Variants in SLIT1 observed in about 807,000 individuals in gnomAD.
The protein encoded by SLIT1 is slit guidance ligand 1, also known as slit homolog 1 protein.
A neutral mutation model predicts 186.1 loss-of-function variants in SLIT1; 66 were observed. The observed-to-expected ratio is 0.35, with a 90% CI of 0.29 to 0.44. SLIT1 has a LOEUF of 0.44. SLIT1 is among the 20% of genes least tolerant of loss of function. The pLI, the probability that SLIT1 is intolerant of heterozygous loss-of-function variation, is 1.00. For synonymous variants in SLIT1, 761 were observed against 833.8 expected, an observed-to-expected ratio of 0.91 and a Z score of 1.50; for missense variants, 1,638 against 2,037.4, an observed-to-expected ratio of 0.80 and a Z score of 3.77.
chr10:97,102,070 C>G (rs963561842), intron 4 of SLIT1: 1 of 152,184 alleles, frequency 6.6e-6, no homozygotes, highest in Non-Finnish European at 1.5e-5. Flanking sequence ...CCTCCTGAAC[C>G]TACTGAATCA....
intron 4 of SLIT1, among the ~76,000 whole-genome samples, chr10:97,156,327 C>T (rs1353554956): frequency 2.6e-5 from 4 of 152,188 alleles, no homozygotes; most frequent in African/African-American, 9.7e-5. Flanking sequence ...CCTGTAATCC[C>T]AGCACTTTGG....
chr10:97,018,700 TGATGGGGACCCCAGG>T lies in SLIT1; in HGVS notation c.2872-32_2872-18del, dbSNP rs1280741729. 2 of 1,534,792 alleles carry T rather than the reference TGATGGGGACCCCAGG, an allele frequency of 1.3e-6. No individual in the cohort carries two copies. Among genetic ancestry groups the T allele is most frequent in the South Asian group, 2.4e-5 (2 of 84,116 alleles). On this transcript the variant is annotated intron_variant, in intron 27 of 36. Transcript: ENST00000266058. ...GTCTCGACCCTGGGGGGAAAGTCAG[TGATGGGGACCCCAGG>T]GAGACCCAGGAGTTAGTATGAGCCA...
At chr10:97,074,029 T>G (rs907408128) in intron 4 of SLIT1, among the ~76,000 whole-genome samples, 1 of 152,168 alleles carries the variant, frequency 6.6e-6, no homozygotes, top group Non-Finnish European at 1.5e-5. Context: ...ACACCTCCCC[T>G]GAGCCTGAGT....
intron 4 of SLIT1, among the ~76,000 whole-genome samples, chr10:97,113,834 G>A (rs1849485885): frequency 6.6e-6 from 1 of 152,194 alleles, no homozygotes; most frequent in South Asian, 2.1e-4. Flanking sequence ...GGGATTACAG[G>A]CGTGAGCCCG....
intron 4 of SLIT1, among the ~76,000 whole-genome samples, chr10:97,067,805 C>T (rs1310085370): frequency 6.6e-6 from 1 of 152,202 alleles, no homozygotes; most frequent in Non-Finnish European, 1.5e-5. Flanking sequence ...GGCAGTTCCA[C>T]AGCCCCACCT....
chr10:97,048,044 T>C, intron 14 of SLIT1, 48 bp from the exon 15 acceptor site: 2 of 1,607,456 alleles, frequency 1.2e-6, no homozygotes, highest in Non-Finnish European at 1.7e-6. Context: ...AGCCAGGACC[T>C]GCAGTAACAG....
At position 97,163,461 on chromosome 10, in the gene SLIT1, CAA is replaced by C. The variant is rs1564691698; in HGVS notation, c.270-12_270-11del. The C allele has an allele frequency of 6.2e-7, 1 of 1,613,556 alleles. No homozygotes were observed. Among genetic ancestry groups the C allele is most frequent in the Admixed American group, 1.7e-5 (1 of 60,026 alleles). On this transcript the variant is annotated splice_polypyrimidine_tract_variant and intron_variant, in intron 2 of 36. Transcript: ENST00000266058. ...GTTCTCCATCAGCTGCCTGGGGAAGCAAAGAGACAAGGACAGCTACAGGGTGT... is the reference window on the plus strand; with the variant it reads ...GTTCTCCATCAGCTGCCTGGGGAAGCAGAGACAAGGACAGCTACAGGGTGT...
chr10:97,008,303 T>C (rs919150834), intron 31 of SLIT1, among the ~76,000 whole-genome samples: 1 of 152,234 alleles, frequency 6.6e-6, no homozygotes, highest in Non-Finnish European at 1.5e-5. Context: ...GCAAAACTTA[T>C]ACTTTGAAAA....
intron 14 of SLIT1, among the ~76,000 whole-genome samples, chr10:97,048,301 G>A (rs1015116941): frequency 2.0e-5 from 3 of 152,280 alleles, no homozygotes; most frequent in African/African-American, 4.8e-5. Context: ...TACAGGTGGC[G>A]TCAGGACCTT....
At chr10:97,093,723 G>A (rs1849257392) in intron 4 of SLIT1, among the ~76,000 whole-genome samples, 1 of 152,210 alleles carries the variant, frequency 6.6e-6, no homozygotes, top group African/African-American at 2.4e-5. Context: ...TTTCTCTTAT[G>A]TAGAGCCAAA....
At chr10:97,175,866 C>A (rs1483170790) in intron 1 of SLIT1, among the ~76,000 whole-genome samples, 5 of 152,190 alleles carry the variant, frequency 3.3e-5, no homozygotes, top group Admixed American at 3.3e-4. Flanking sequence ...CCACGCTCCA[C>A]CCCCAGACCA....
chr10:97,060,269 C>A, intron 9 of SLIT1, 111 bp from the exon 10 acceptor site: 2 of 868,616 alleles, frequency 2.3e-6, no homozygotes, highest in Middle Eastern at 2.9e-4. Flanking sequence ...CTTGCCCCTG[C>A]TCCCTTCCCA....
intron 1 of SLIT1, among the ~76,000 whole-genome samples, chr10:97,177,311 C>A (rs1850269825): frequency 6.6e-6 from 1 of 152,234 alleles, no homozygotes; most frequent in Admixed American, 6.5e-5. Flanking sequence ...AGCTTCTCCT[C>A]CAGGACCAGT....
chr10:97,071,229 T>G (rs1363195442), intron 4 of SLIT1, among the ~76,000 whole-genome samples: 2 of 152,210 alleles, frequency 1.3e-5, no homozygotes, highest in Non-Finnish European at 2.9e-5. Flanking sequence ...AGACACAGCC[T>G]GCCACCTTTG....
rs1227392043 is a variant in SLIT1, at chr10:97,060,669, C to T, written c.912G>A (p.Pro304=). 1.4e-5 allele frequency: 23 copies of T among 1,613,242 alleles called. No homozygotes were observed. The highest frequency in any genetic ancestry group is 2.7e-5 in the African/African-American group (2 of 74,940). The change falls in exon 9 of 37, where the codon CCG becomes CCA. Residue 304 remains proline, a synonymous_variant. Transcript: ENST00000266058. ...CCGTCATGGTCTCGGGCAGGTTGGCCGGGATGGCAGTGAGGCCTTTTCCAC... is the reference window on the plus strand; with the variant it reads ...CCGTCATGGTCTCGGGCAGGTTGGCTGGGATGGCAGTGAGGCCTTTTCCAC... ...DCRGKGLTAI[P]ANLPETMTEI...
At chr10:97,065,578 A>C (rs1425159751) in intron 5 of SLIT1, 1 of 172,228 alleles carries the variant, frequency 5.8e-6, no homozygotes, top group Non-Finnish European at 1.3e-5. Flanking sequence ...TGTGAAGTAG[A>C]TCTTAGTATC....
chr10:97,166,237 T>G (rs1413452905), intron 1 of SLIT1, among the ~76,000 whole-genome samples: 2 of 151,930 alleles, frequency 1.3e-5, no homozygotes, highest in Non-Finnish European at 2.9e-5. Flanking sequence ...TGGTCCGGCC[T>G]GGTGTGGTGG....
intron 4 of SLIT1, among the ~76,000 whole-genome samples, chr10:97,152,268 C>A (rs1397299064): frequency 5.9e-5 from 9 of 152,108 alleles, no homozygotes; most frequent in African/African-American, 1.7e-4. Context: ...GAAAAAAAAA[C>A]AAAACCCTGT....
intron 4 of SLIT1, among the ~76,000 whole-genome samples, chr10:97,085,394 T>G (rs111951791): frequency 1.4e-3 from 211 of 152,128 alleles, no homozygotes; most frequent in African/African-American, 4.4e-3. Flanking sequence ...TACTTTTTTT[T>G]TTTTTGTTTT....
Sources: allele counts gnomAD v4.1 joint callset (sites outside exome capture counted in the v4.1 genomes callset), GRCh38; gene constraint gnomAD v4.1.1; transcripts MANE v1.5; gene names NCBI Gene and HGNC (gene_info 2026-07-23, HGNC 2026-07-21).